CSMD1: variants seen among roughly 807,000 people sequenced by gnomAD.
CSMD1 encodes the protein CUB and sushi domain-containing protein 1.
Under a neutral mutation model 417.5 loss-of-function variants are expected in CSMD1, and 213 were observed. That is an observed-to-expected ratio of 0.51 (90% confidence interval 0.46 to 0.57). The LOEUF is 0.57. Among genes scored for constraint, CSMD1 ranks in the 20% least tolerant of loss-of-function variants. The probability of loss-of-function intolerance (pLI) is 0.00; values close to 1 mark genes in which losing one functional copy is unlikely to be tolerated. For missense variants in CSMD1, 6,923 were observed against 4,529.7 expected (o/e 1.53, Z -15.17); for synonymous variants, 2,862 against 1,736.8 (o/e 1.65, Z -16.11).
rs978385483 is a variant in CSMD1, at chr8:4,895,615, T to C, written c.85+98717A>G. Among the ~76,000 whole-genome samples, 10 of 152,110 alleles carry C rather than the reference T, an allele frequency of 6.6e-5. 1 individual carries two copies. Among genetic ancestry groups the C allele is most frequent in the African/African-American group, 2.2e-4 (9 of 41,392 alleles). The stretch of plus-strand genomic sequence containing the variant: ...TATTCGGGGGCTTCTTTTTATGATA[T>C]GACTTTCCTACTCTGATGTTGTGGT... On this transcript the variant is annotated intron_variant, in intron 1 of 69. Transcript: ENST00000635120.
chr8:4,015,122 C>G (rs529291586), intron 4 of CSMD1, among the ~76,000 whole-genome samples: 1 of 152,112 alleles, frequency 6.6e-6, no homozygotes, highest in African/African-American at 2.4e-5. Flanking sequence ...ACCAAATTGT[C>G]TAAAACTACT....
rs151060536 is a variant in CSMD1, at chr8:3,580,567, A to C, written c.1223-5501T>G. ...TAAGATACAAAACTATATTATTGCC[A>C]ATAACTTAGTAAAAATAATAAGGAG... On this transcript the variant is annotated intron_variant, in intron 9 of 69. Coordinates refer to ENST00000635120, the MANE Select transcript of CSMD1 (RefSeq NM_033225.6). 2.8e-3 allele frequency among the ~76,000 whole-genome samples: 426 copies of C among 152,308 alleles called. 2 individuals carry two copies. Among genetic ancestry groups the C allele is most frequent in the African/African-American group, 9.9e-3 (412 of 41,558 alleles).
chr8:4,358,266 A>G (rs1801546754), intron 3 of CSMD1, among the ~76,000 whole-genome samples: 1 of 152,180 alleles, frequency 6.6e-6, no homozygotes, highest in Admixed American at 6.5e-5. Context: ...TTGCTTTACC[A>G]GTGGGTGTGG....
chr8:4,002,727 A>C (rs1008548842), intron 4 of CSMD1, among the ~76,000 whole-genome samples: 1 of 152,218 alleles, frequency 6.6e-6, no homozygotes, highest in African/African-American at 2.4e-5. Context: ...GATTAAATGT[A>C]CATCATAAAT....
chr8:3,229,836 T>C (rs1798729424), intron 27 of CSMD1, among the ~76,000 whole-genome samples: 1 of 152,196 alleles, frequency 6.6e-6, no homozygotes, highest in South Asian at 2.1e-4. Context: ...TTACTGTACC[T>C]TAAGGGGATG....
At chr8:2,951,895 G>C (rs1802661967) in intron 65 of CSMD1, among the ~76,000 whole-genome samples, 1 of 152,140 alleles carries the variant, frequency 6.6e-6, no homozygotes, top group Admixed American at 6.6e-5. Flanking sequence ...TGAGTAAGAA[G>C]AGATGGGCTC....
chr8:3,408,674 T>G (rs1225301120), intron 13 of CSMD1, among the ~76,000 whole-genome samples: 1 of 152,112 alleles, frequency 6.6e-6, no homozygotes, highest in Admixed American at 6.5e-5. Flanking sequence ...TTTAAAATTT[T>G]TATTAGTTAC....
At chr8:4,377,941 T>A (rs1802860393) in intron 3 of CSMD1, among the ~76,000 whole-genome samples, 1 of 152,234 alleles carries the variant, frequency 6.6e-6, no homozygotes, top group African/African-American at 2.4e-5. Flanking sequence ...CAAATGGCCC[T>A]CATAATATTG....
Position 3,513,626 on chromosome 8 carries a change from T to C in CSMD1, c.1345-19900A>G, listed in dbSNP as rs564878044. Among the ~76,000 whole-genome samples, 11 of 152,324 alleles carry C rather than the reference T, an allele frequency of 7.2e-5. No homozygotes were observed. The South Asian group carries it at 2.3e-3, about 32-fold the overall frequency. ...CCCCAGAAAACATGGTAAGACTTAC[T>C]GCTCTGCCACCATCATCTAAGACAG... On this transcript the variant is annotated intron_variant, in intron 10 of 69. Transcript: ENST00000635120.
At chr8:3,785,693 G>C (rs969183613) in intron 5 of CSMD1, among the ~76,000 whole-genome samples, 1 of 152,172 alleles carries the variant, frequency 6.6e-6, no homozygotes, top group Admixed American at 6.5e-5. Context: ...TGTGTGCATG[G>C]AGGAGCCACG....
chr8:3,708,624 A>G (rs1161741520), intron 6 of CSMD1, 133 bp from the exon 7 acceptor site: 3 of 705,698 alleles, frequency 4.3e-6, no homozygotes, highest in Non-Finnish European at 7.5e-6. Context: ...TAAGAGGTGA[A>G]TGATACCAAG....
intron 3 of CSMD1, among the ~76,000 whole-genome samples, chr8:4,358,188 A>T (rs1801542490): frequency 1.3e-5 from 2 of 152,146 alleles, no homozygotes; most frequent in Non-Finnish European, 2.9e-5. Context: ...TTATTCAGGG[A>T]TGAATGTCTT....
At position 3,594,409 on chromosome 8, in the gene CSMD1, G is replaced by A. The variant is rs1014472757; in HGVS notation, c.1098-8149C>T. 5.1e-4 allele frequency among the ~76,000 whole-genome samples: 78 copies of A among 151,696 alleles called. 1 individual carries two copies. Among genetic ancestry groups the A allele is most frequent in the Admixed American group, 5.0e-3 (76 of 15,242 alleles). ...TTACGTCTTGAAAGATGCATAGAAT[G>A]TATTTTTTTTTTCCAAAATGAGTAT... On this transcript the variant is annotated intron_variant, in intron 8 of 69. Transcript: ENST00000635120.
At chr8:3,677,116 C>G (rs1585059743) in intron 7 of CSMD1, among the ~76,000 whole-genome samples, 1 of 152,128 alleles carries the variant, frequency 6.6e-6, no homozygotes, top group Non-Finnish European at 1.5e-5. Context: ...ACATGTAGTT[C>G]TATGTAACAA....
chr8:3,971,104 T>C (rs932897921), intron 5 of CSMD1, among the ~76,000 whole-genome samples: 1 of 152,158 alleles, frequency 6.6e-6, no homozygotes, highest in Non-Finnish European at 1.5e-5. Flanking sequence ...CATAGAACCA[T>C]GTGATCCAAC....
At chr8:4,862,797 C>T (rs986825287) in intron 1 of CSMD1, among the ~76,000 whole-genome samples, 1 of 151,972 alleles carries the variant, frequency 6.6e-6, no homozygotes, top group Non-Finnish European at 1.5e-5. Context: ...CGGTGACAGC[C>T]TAAAGGGATT....
At chr8:4,047,296 G>A (rs142349611) in intron 3 of CSMD1, among the ~76,000 whole-genome samples, 1,540 of 152,234 alleles carry the variant, frequency 0.01, 8 homozygotes, top group Middle Eastern at 0.027. Context: ...AGGAAGGAGA[G>A]AGACATAAAG....
intron 2 of CSMD1, among the ~76,000 whole-genome samples, chr8:4,528,157 A>C (rs992992897): frequency 6.6e-6 from 1 of 152,126 alleles, no homozygotes; most frequent in African/African-American, 2.4e-5. Context: ...ATACTTCTCA[A>C]TGTCCTTGTT....
At chr8:4,761,171 G>A (rs757833603) in intron 1 of CSMD1, among the ~76,000 whole-genome samples, 27 of 152,046 alleles carry the variant, frequency 1.8e-4, no homozygotes, top group East Asian at 1.9e-4. Flanking sequence ...CTATGAAAGC[G>A]AAATCTAAGG....
Sources: gnomAD v4.1 joint callset for allele counts (sites outside exome capture counted in the v4.1 genomes callset) on GRCh38, gnomAD v4.1.1 for gene constraint, MANE v1.5 for transcripts, NCBI Gene and HGNC (gene_info 2026-07-23, HGNC 2026-07-21) for gene names.